SETBP1: variants seen among roughly 807,000 people sequenced by gnomAD.
The protein encoded by SETBP1 is SET binding protein 1.
In SETBP1, 9 loss-of-function variants were observed where a neutral mutation model predicts 101.0. The ratio of observed to expected loss-of-function variants is 0.09; its 90% CI spans 0.05 to 0.16. The LOEUF (loss-of-function observed/expected upper bound fraction) is 0.16. Ranked by LOEUF, SETBP1 falls within the 10% of genes least tolerant of loss-of-function variation. SETBP1 has a pLI of 1.00. For missense variants in SETBP1, 1,858 were observed against 2,033.8 expected, an observed-to-expected ratio of 0.91 and a Z score of 1.66; for synonymous variants, 818 against 788.5, an observed-to-expected ratio of 1.04 and a Z score of -0.63.
chr18:44,908,946 T>G (rs1035392512), intron 3 of SETBP1, among the ~76,000 whole-genome samples: 1 of 152,178 alleles, frequency 6.6e-6, no homozygotes, highest in Non-Finnish European at 1.5e-5. Flanking sequence ...TTCAGAAAAA[T>G]ATATTTTTGC....
intron 5 of SETBP1, among the ~76,000 whole-genome samples, chr18:45,042,331 G>A (rs377619475): frequency 1.3e-5 from 2 of 152,182 alleles, no homozygotes; most frequent in African/African-American, 4.8e-5. Context: ...TGTATTTTTA[G>A]TAGAGGCGGG....
At chr18:44,739,587 G>A (rs1282304207) in intron 2 of SETBP1, among the ~76,000 whole-genome samples, 1 of 152,150 alleles carries the variant, frequency 6.6e-6, no homozygotes, top group Non-Finnish European at 1.5e-5. Context: ...ATTCATCTGA[G>A]GTTCTGGGAA....
chr18:44,947,482 G>A (rs11877118), intron 3 of SETBP1, among the ~76,000 whole-genome samples: 34,828 of 146,892 alleles, frequency 0.24, 4,402 homozygotes, highest in East Asian at 0.54. Context: ...GAATCACACC[G>A]TTTGTCCCAC....
chr18:44,744,194 G>T (rs1386256115), intron 2 of SETBP1, among the ~76,000 whole-genome samples: 1 of 152,226 alleles, frequency 6.6e-6, no homozygotes, highest in East Asian at 1.9e-4. Flanking sequence ...AGGCTCCTGG[G>T]TCTCTGGGGA....
rs71177660 is a variant in SETBP1, at chr18:44,941,077, C to CTTT, written c.541-8783_541-8781dup. Among the ~76,000 whole-genome samples, 91 of 74,868 alleles carry CTTT rather than the reference C, an allele frequency of 1.2e-3. 1 individual carries two copies. The highest frequency in any genetic ancestry group is 1.5e-3 in the Non-Finnish European group (61 of 41,374). 49.1% of individuals were successfully genotyped at this position (74,868 alleles called of 152,430 possible). A position where few individuals can be genotyped will look rare whatever the true frequency, so the allele number is the denominator to read the frequency against. ...ATATTCTAATTAATGAGAAGTCAGA[C>CTTT]TTTTTTTTTTTTTTTTTTTTTTTGA... On this transcript the variant is annotated intron_variant, in intron 3 of 5. Transcript: ENST00000649279.
At chr18:45,017,218 C>A (rs948706) in intron 4 of SETBP1, among the ~76,000 whole-genome samples, 63,891 of 151,922 alleles carry the variant, frequency 0.42, 14,185 homozygotes, top group African/African-American at 0.55. Context: ...GACCCAGGCC[C>A]AGGTGGTCTG....
chr18:44,773,635 C>T (rs1275786579), intron 2 of SETBP1, among the ~76,000 whole-genome samples: 4 of 150,450 alleles, frequency 2.7e-5, no homozygotes, highest in African/African-American at 2.4e-5. Flanking sequence ...AGTGTGTATT[C>T]CCAACTGATG....
chr18:45,063,993 G>A lies in SETBP1; in HGVS notation c.*295G>A, dbSNP rs988263707. 4.0e-5 allele frequency: 13 copies of A among 328,388 alleles called. No homozygotes were observed. The highest frequency in any genetic ancestry group is 2.6e-4 in the African/African-American group (12 of 46,084). The allele number at this position is 328,388 out of a possible 1,614,324, so 20.3% of individuals were successfully genotyped here. On this transcript the variant is annotated 3_prime_UTR_variant, in exon 6 of 6. Coordinates refer to ENST00000649279, the MANE Select transcript of SETBP1 (RefSeq NM_015559.3). ...GAGCGGAAGGCCCCCAGGAGGAGCA[G>A]GCTGGTGGCACTCTCCTGACCTCAC...
Position 45,024,989 on chromosome 18 carries a change from G to A in SETBP1, c.4001-13496G>A, listed in dbSNP as rs138385085. Among the ~76,000 whole-genome samples the A allele has an allele frequency of 9.7e-4, 147 of 152,312 alleles. 1 individual carries two copies. Among genetic ancestry groups the A allele is most frequent in the African/African-American group, 3.4e-3 (142 of 41,560 alleles). ...GAGCCCAATGTGAAGGGAGCCGCCTGGAGGCACTAAAGTTTATCACAATAT... is the reference window on the plus strand; with the variant it reads ...GAGCCCAATGTGAAGGGAGCCGCCTAGAGGCACTAAAGTTTATCACAATAT... On this transcript the variant is annotated intron_variant, in intron 4 of 5. Coordinates refer to ENST00000649279, the MANE Select transcript of SETBP1 (RefSeq NM_015559.3).
At chr18:44,688,145 C>T (rs2068867509) in intron 1 of SETBP1, among the ~76,000 whole-genome samples, 1 of 152,086 alleles carries the variant, frequency 6.6e-6, no homozygotes, top group African/African-American at 2.4e-5. Context: ...TTGCTTTTAA[C>T]CCAGGATCTA....
At chr18:44,704,136 G>A (rs2069171104) in intron 2 of SETBP1, among the ~76,000 whole-genome samples, 1 of 152,102 alleles carries the variant, frequency 6.6e-6, no homozygotes, top group African/African-American at 2.4e-5. Flanking sequence ...CCCAAATATA[G>A]CTTTCTCCCC....
At chr18:44,720,712 G>T (rs140492228) in intron 2 of SETBP1, among the ~76,000 whole-genome samples, 1 of 152,280 alleles carries the variant, frequency 6.6e-6, no homozygotes, top group Non-Finnish European at 1.5e-5. Flanking sequence ...ATAGGATTTA[G>T]GTGGGAGGGA....
At chr18:44,725,812 C>G (rs192586973) in intron 2 of SETBP1, among the ~76,000 whole-genome samples, 26 of 152,268 alleles carry the variant, frequency 1.7e-4, no homozygotes, top group Admixed American at 1.2e-3. Context: ...ATACCTCCCC[C>G]CTCCAACTCC....
intron 4 of SETBP1, among the ~76,000 whole-genome samples, chr18:44,974,064 G>A (rs1482522686): frequency 6.6e-6 from 1 of 152,150 alleles, no homozygotes; most frequent in African/African-American, 2.4e-5. Context: ...TAAAAATAAA[G>A]TGCAGTGGCT....
intron 3 of SETBP1, among the ~76,000 whole-genome samples, chr18:44,940,153 T>A (rs769380012): frequency 1.3e-5 from 2 of 152,212 alleles, no homozygotes; most frequent in Non-Finnish European, 2.9e-5. Context: ...TGCTTTTTAC[T>A]CGGAAGCCTA....
At chr18:44,781,043 G>C (rs1346924433) in intron 2 of SETBP1, among the ~76,000 whole-genome samples, 2 of 152,174 alleles carry the variant, frequency 1.3e-5, no homozygotes. Flanking sequence ...CAATATGTCA[G>C]GCCTGGGTCA....
At position 44,773,828 on chromosome 18, in the gene SETBP1, C is replaced by T. The variant is rs368289779; in HGVS notation, c.486+71996C>T. Among the ~76,000 whole-genome samples the T allele has an allele frequency of 1.2e-4, 8 of 67,498 alleles. No individual in the cohort carries two copies. In the Admixed American group the frequency reaches 1.2e-3, roughly 10 times the overall value. 44.3% of individuals were successfully genotyped at this position (67,498 alleles called of 152,430 possible). On this transcript the variant is annotated intron_variant, in intron 2 of 5. Coordinates refer to ENST00000649279, the MANE Select transcript of SETBP1 (RefSeq NM_015559.3). ...TCTCTCTCTCTCTCTCTCTCTGTCT[C>T]TCTCTGTTTATGTGTGTGTGTGTGT... is the stretch of plus-strand genomic sequence containing the variant.
intron 4 of SETBP1, among the ~76,000 whole-genome samples, chr18:45,020,258 TAAA>T (rs57134217): frequency 3.0e-4 from 16 of 53,080 alleles, no homozygotes; most frequent in African/African-American, 1.0e-3. Context: ...GACTCTGTCT[TAAA>T]AAAAAAAAAA....
At chr18:44,970,085 C>T (rs772335823) in intron 4 of SETBP1, 4 of 154,826 alleles carry the variant, frequency 2.6e-5, no homozygotes, top group Non-Finnish European at 5.9e-5. Flanking sequence ...TCTCCTTTGA[C>T]CATCATAGCC....
Sources: gnomAD v4.1 joint callset for allele counts (sites outside exome capture counted in the v4.1 genomes callset) on GRCh38, gnomAD v4.1.1 for gene constraint, MANE v1.5 for transcripts, NCBI Gene and HGNC (gene_info 2026-07-23, HGNC 2026-07-21) for gene names.